ARHGEF26: variants seen among roughly 807,000 people sequenced by gnomAD.
ARHGEF26 encodes the protein Rho guanine nucleotide exchange factor (GEF) 26.
Under a neutral mutation model 89.4 loss-of-function variants are expected in ARHGEF26, and 59 were observed. The ratio of observed to expected loss-of-function variants is 0.66; its 90% CI spans 0.54 to 0.82. The LOEUF (loss-of-function observed/expected upper bound fraction) is 0.82, where lower values mean the gene tolerates loss of function less well. Ranked by LOEUF, ARHGEF26 falls within the 40% of genes least tolerant of loss-of-function variation. The probability of loss-of-function intolerance (pLI) is 0.00; values close to 1 mark genes in which losing one functional copy is unlikely to be tolerated. For synonymous variants in ARHGEF26, 500 were observed against 428.4 expected (o/e 1.17, Z -2.06); for missense variants, 1,234 against 1,085.6 (o/e 1.14, Z -1.92).
chr3:154,158,659 C>T lies in ARHGEF26; in HGVS notation c.1487+5727C>T, dbSNP rs74602969. Among the ~76,000 whole-genome samples, 540 of 152,120 alleles carry T rather than the reference C, an allele frequency of 3.5e-3. 4 individuals carry two copies. Among genetic ancestry groups the T allele is most frequent in the East Asian group, 0.023 (121 of 5,152 alleles). On this transcript the variant is annotated intron_variant, in intron 6 of 14. Coordinates refer to ENST00000465093, the MANE Select transcript of ARHGEF26 (RefSeq NM_015595.4). ...TGATCTCCTTGTCTTTTAAGGACCT[C>T]GGCTATCTTAAAAGCCTGATCATCT...
intron 7 of ARHGEF26, among the ~76,000 whole-genome samples, chr3:154,189,304 G>T (rs375326914): frequency 3.6e-4 from 52 of 143,760 alleles, no homozygotes; most frequent in African/African-American, 1.2e-3. Context: ...AATTAGTAGT[G>T]TTTTCAGGGG....
chr3:154,169,722 A>G (rs1712293277), intron 6 of ARHGEF26, among the ~76,000 whole-genome samples: 1 of 152,198 alleles, frequency 6.6e-6, no homozygotes, highest in Non-Finnish European at 1.5e-5. Flanking sequence ...GACTGCAGTG[A>G]TAGTGCCATT....
intron 6 of ARHGEF26, among the ~76,000 whole-genome samples, chr3:154,179,715 A>G (rs1007979121): frequency 1.3e-5 from 2 of 152,172 alleles, no homozygotes; most frequent in African/African-American, 4.8e-5. Flanking sequence ...GGATGAAGCT[A>G]TATATAGTAG....
rs372292828 is a variant in ARHGEF26 at position 154,225,838 on chromosome 3, G to A, written c.1936-18G>A. On this transcript the variant is annotated intron_variant, in intron 10 of 14. Coordinates refer to ENST00000465093, the MANE Select transcript of ARHGEF26 (RefSeq NM_015595.4). Reference sequence around the variant, plus strand: ...ATTTCAATTTAGCTTTGGTCACTGGGTTTTTCTCCTTTTGTAGCCTTTTCC... The same window carrying A: ...ATTTCAATTTAGCTTTGGTCACTGGATTTTTCTCCTTTTGTAGCCTTTTCC... 249 of 1,580,692 alleles carry A rather than the reference G, an allele frequency of 1.6e-4. No homozygotes were observed. The African/African-American group carries it at 3.1e-3, about 20-fold the overall frequency.
upstream of ARHGEF26, chr3:154,121,004 G>T (rs1045465481): frequency 1.3e-5 from 2 of 152,182 alleles, no homozygotes; most frequent in African/African-American, 2.4e-5. Context: ...CTCTGCGTTA[G>T]AACTCTGCGC....
rs1464747478 is a variant in ARHGEF26, at chr3:154,121,934, C to T, written c.-51-8C>T. 6 of 1,517,766 alleles carry T rather than the reference C, an allele frequency of 4.0e-6. No individual in the cohort carries two copies. The highest frequency in any genetic ancestry group is 1.3e-5 in the South Asian group (1 of 76,308). 94.0% of individuals were successfully genotyped at this position (1,517,766 alleles called of 1,614,324 possible). ...GAGGCACAGTTTCCTAACTTCTTTC[C>T]TCTTTAGGCAAGACTAACTCGGTGT... On this transcript the variant is annotated splice_region_variant and splice_polypyrimidine_tract_variant and intron_variant, in intron 1 of 14. Transcript: ENST00000465093.
chr3:154,256,956 A>G lies in ARHGEF26; in HGVS notation c.*1483A>G. On this transcript the variant is annotated 3_prime_UTR_variant, in exon 15 of 15. Transcript: ENST00000465093. ...GAGGGGGGAAATGATTTTTACTGGC[A>G]GCTATATTCCCTCTCTGTTCTATTT... The G allele has an allele frequency of 1.3e-6, 2 of 1,532,966 alleles. No individual in the cohort carries two copies. The highest frequency in any genetic ancestry group is 1.2e-5 in the South Asian group (1 of 83,528). 95.0% of individuals were successfully genotyped at this position (1,532,966 alleles called of 1,614,324 possible).
intron 6 of ARHGEF26, among the ~76,000 whole-genome samples, chr3:154,167,704 A>G (rs1477066402): frequency 6.6e-6 from 1 of 152,194 alleles, no homozygotes; most frequent in East Asian, 1.9e-4. Flanking sequence ...ACAGTGCAAA[A>G]TACGAAACAT....
intron 6 of ARHGEF26, among the ~76,000 whole-genome samples, chr3:154,156,165 A>G (rs1240293767): frequency 1.3e-5 from 2 of 152,078 alleles, no homozygotes; most frequent in Non-Finnish European, 1.5e-5. Context: ...AGAAACAAGC[A>G]GTAAGAAATA....
intron 6 of ARHGEF26, among the ~76,000 whole-genome samples, chr3:154,161,107 T>G (rs1158958431): frequency 0.042 from 193 of 4,578 alleles, no homozygotes; most frequent in Middle Eastern, 0.33. Context: ...GGTTTGTGTG[T>G]GTGTGTGTGT....
chr3:154,129,256 G>C (rs1320531961), intron 3 of ARHGEF26, among the ~76,000 whole-genome samples: 1 of 152,150 alleles, frequency 6.6e-6, no homozygotes, highest in Admixed American at 6.5e-5. Context: ...TTAAATAAAA[G>C]ATAGGATGTA....
Position 154,225,884 on chromosome 3 carries a change from G to T in ARHGEF26, c.1964G>T (p.Trp655Leu), listed in dbSNP as rs1426737247. ...TTTCCTTTAGTCTCCTCTTCCCGGT[G>T]GTTGGTAAAAAGAGGTGAATTGACA... ...KPFPLVSSSR[W>L]LVKRGELTAY... The change falls in exon 11 of 15, where the codon TGG becomes TTG. Residue 655 changes from tryptophan (W) to leucine (L), a missense_variant. Coordinates refer to ENST00000465093, the MANE Select transcript of ARHGEF26 (RefSeq NM_015595.4). 1 of 1,608,148 alleles carries T rather than the reference G, an allele frequency of 6.2e-7. No individual in the cohort carries two copies. The highest frequency in any genetic ancestry group is 1.3e-5 in the African/African-American group (1 of 74,448).
intron 9 of ARHGEF26, among the ~76,000 whole-genome samples, chr3:154,207,943 G>A (rs1421435818): frequency 6.6e-6 from 1 of 152,166 alleles, no homozygotes; most frequent in African/African-American, 2.4e-5. Flanking sequence ...GTCCTTTGCA[G>A]GGACATGGAT....
chr3:154,134,253 C>T (rs899163854), intron 4 of ARHGEF26, among the ~76,000 whole-genome samples: 4 of 152,060 alleles, frequency 2.6e-5, no homozygotes, highest in African/African-American at 9.6e-5. Context: ...TGTATTAGTC[C>T]GTTTTCATGC....
At chr3:154,156,588 A>G (rs1263597336) in intron 6 of ARHGEF26, among the ~76,000 whole-genome samples, 3 of 152,312 alleles carry the variant, frequency 2.0e-5, no homozygotes, top group African/African-American at 4.8e-5. Context: ...ATATCATAAT[A>G]ACTTACATTA....
chr3:154,124,561 T>A (rs1329212930), intron 3 of ARHGEF26, 112 bp downstream of exon 3: 16 of 970,340 alleles, frequency 1.6e-5, no homozygotes, highest in Non-Finnish European at 2.1e-5. Flanking sequence ...TATGTCCAAC[T>A]TCTTCTCAAA....
At chr3:154,140,678 A>C (rs372618785) in intron 4 of ARHGEF26, among the ~76,000 whole-genome samples, 1 of 143,686 alleles carries the variant, frequency 7.0e-6, no homozygotes, top group Non-Finnish European at 1.5e-5. Context: ...TCCGCCTCCC[A>C]TAAGCGATTC....
intron 6 of ARHGEF26, among the ~76,000 whole-genome samples, chr3:154,165,087 A>T (rs914060960): frequency 2.0e-5 from 3 of 152,016 alleles, no homozygotes; most frequent in African/African-American, 7.2e-5. Flanking sequence ...GTCGTTTGAG[A>T]ATCTGTGTTT....
intron 9 of ARHGEF26, among the ~76,000 whole-genome samples, chr3:154,203,078 G>A (rs1714758681): frequency 6.6e-6 from 1 of 152,112 alleles, no homozygotes; most frequent in African/African-American, 2.4e-5. Flanking sequence ...TCTTGTGCCA[G>A]TTTTCAAAAG....
Sources: allele counts gnomAD v4.1 joint callset (sites outside exome capture counted in the v4.1 genomes callset), GRCh38; gene constraint gnomAD v4.1.1; transcripts MANE v1.5; gene names NCBI Gene and HGNC (gene_info 2026-07-23, HGNC 2026-07-21).